The following RIF1 variants were observed in gnomAD, a reference collection of about 807,000 sequenced individuals.
RIF1 encodes the protein telomere-associated protein RIF1.
A neutral mutation model predicts 247.1 loss-of-function variants in RIF1; 45 were observed. The ratio of observed to expected loss-of-function variants is 0.18; its 90% CI spans 0.14 to 0.23. RIF1 has a LOEUF of 0.23. Among genes scored for constraint, RIF1 ranks in the 10% least tolerant of loss-of-function variants. The pLI is 1.00. For missense variants in RIF1, 2,967 were observed against 2,862.5 expected (o/e 1.04, Z -0.83); for synonymous variants, 1,087 against 978.8 (o/e 1.11, Z -2.06).
chr2:151,484,880 G>A (rs1278171179), downstream of RIF1, among the ~76,000 whole-genome samples: 1 of 152,188 alleles, frequency 6.6e-6, no homozygotes. Context: ...AGAGGTGTAC[G>A]TTGGTCATTC....
chr2:151,433,008 G>A, intron 9 of RIF1, 69 bp from the exon 10 acceptor site: 2 of 1,184,350 alleles, frequency 1.7e-6, no homozygotes, highest in Non-Finnish European at 1.2e-6. Context: ...AAAGACTGTT[G>A]CATAGCTAGT....
intron 27 of RIF1, 92 bp from the exon 28 acceptor site, chr2:151,462,150 G>A (rs2152492890): frequency 1.2e-6 from 1 of 815,670 alleles, no homozygotes; most frequent in East Asian, 2.9e-5. Flanking sequence ...TGGGATTACA[G>A]GCGTGAGCCA....
chr2:151,417,789 A>G (rs1292488151), intron 6 of RIF1, among the ~76,000 whole-genome samples: 1 of 152,142 alleles, frequency 6.6e-6, no homozygotes, highest in Non-Finnish European at 1.5e-5. Flanking sequence ...GCATCATGTA[A>G]TTTCATCATT....
chr2:151,495,618 G>A (rs893436180), intron 10 of RIF1, among the ~76,000 whole-genome samples: 2 of 152,162 alleles, frequency 1.3e-5, no homozygotes, highest in East Asian at 3.9e-4. Context: ...CAAGCTTACG[G>A]GAAATGGTTT....
chr2:151,480,256 C>G lies in RIF1; in HGVS notation c.*5185C>G, dbSNP rs1335059765. On this transcript the variant is annotated 3_prime_UTR_variant, in exon 36 of 36. Coordinates refer to ENST00000444746, the MANE Select transcript of RIF1 (RefSeq NM_018151.5). ...AGAAAAAAACTCTAACTTTTGTACT[C>G]TACTTGTAGCAGAGGGAATATTTTT... is the stretch of plus-strand genomic sequence containing the variant. 1 of 152,158 alleles carries G rather than the reference C, an allele frequency of 6.6e-6. No homozygotes were observed. The allele number at this position is 152,158 out of a possible 1,614,324, so 9.4% of individuals were successfully genotyped here.
intron 10 of RIF1, among the ~76,000 whole-genome samples, chr2:151,498,891 T>TAAA (rs66881625): frequency 0.068 from 10,207 of 150,032 alleles, 916 homozygotes; most frequent in African/African-American, 0.21. Flanking sequence ...GATAAGGTGC[T>TAAA]AAAAAAAAGA....
In RIF1 at chr2:151,464,320, G is replaced by A; in HGVS notation, c.4800G>A (p.Gln1600=). The A allele has an allele frequency of 6.2e-7, 1 of 1,611,228 alleles. No individual in the cohort carries two copies. The highest frequency in any genetic ancestry group is 1.3e-5 in the African/African-American group (1 of 74,764). The change falls in exon 30 of 36, where the codon CAG becomes CAA. Residue 1600 remains glutamine, a synonymous_variant. Coordinates refer to ENST00000444746, the MANE Select transcript of RIF1 (RefSeq NM_018151.5). ...VKQECIKAEN[Q]SHDYKATSEE... is the part of the protein sequence containing the mutation. ...AGGAATGTATAAAAGCTGAAAATCA[G>A]TCACATGATTATAAAGCAACTTCTG...
intron 8 of RIF1, among the ~76,000 whole-genome samples, chr2:151,425,327 C>A (rs1688858550): frequency 6.6e-6 from 1 of 151,984 alleles, no homozygotes; most frequent in Non-Finnish European, 1.5e-5. Context: ...ATATTTAATT[C>A]CGTTCTGTAG....
intron 24 of RIF1, 71 bp downstream of exon 24, chr2:151,458,034 AAAT>A: frequency 3.1e-6 from 3 of 975,988 alleles, no homozygotes; most frequent in Non-Finnish European, 4.4e-6. Flanking sequence ...ACTTTGATTC[AAAT>A]AATCTTTTCT....
intron 9 of RIF1, chr2:151,491,983 T>G: frequency 8.4e-7 from 1 of 1,192,912 alleles, no homozygotes; most frequent in Non-Finnish European, 1.2e-6. Context: ...TTCTTGCACC[T>G]CTAGAAAAAC....
At chr2:151,506,113 A>G (rs1575445261) in intron 12 of RIF1, 2 of 1,449,828 alleles carry the variant, frequency 1.4e-6, no homozygotes, top group East Asian at 4.5e-5. Context: ...AGGTCATTGT[A>G]AATTATCAAA....
chr2:151,465,875 A>G lies in RIF1; in HGVS notation c.6355A>G (p.Lys2119Glu), dbSNP rs1160614263. The G allele has an allele frequency of 1.9e-6, 3 of 1,613,556 alleles. No individual in the cohort carries two copies. Among genetic ancestry groups the G allele is most frequent in the South Asian group, 2.2e-5 (2 of 91,088 alleles). ...ILQEDHHTSQ[K>E]VEEPSQCLAS... is the part of the protein sequence containing the mutation. Reference sequence around the variant, plus strand: ...ACAGGAAGATCACCATACTTCACAGAAAGTGGAGGAACCATCACAGTGTCT... The same window carrying G: ...ACAGGAAGATCACCATACTTCACAGGAAGTGGAGGAACCATCACAGTGTCT... The change falls in exon 30 of 36, where the codon AAA becomes GAA. Residue 2119 changes from lysine to glutamate, a missense_variant. Physicochemically the swap from Lys to Glu is moderately conservative, Grantham distance 56. Around this residue, in one of 7 missense-constraint regions of RIF1, gnomAD observed 2,028 missense variants for 1,825.6 expected, o/e 1.11. Transcript: ENST00000444746.
At chr2:151,519,550 AGTT>A in the RIF1 span, 1 of 803,124 alleles carries the variant, frequency 1.2e-6, no homozygotes. Flanking sequence ...TAGTGACAGT[AGTT>A]GGATAATATT....
chr2:151,513,786 A>C, the RIF1 span: 3 of 850,800 alleles, frequency 3.5e-6, no homozygotes, highest in Non-Finnish European at 5.7e-6. Context: ...ATAACACGCC[A>C]CCCCAGTTGT....
rs576596415 is a variant in RIF1 at position 151,458,400 on chromosome 2, T to G, written c.2856-411T>G. Among the ~76,000 whole-genome samples the G allele has an allele frequency of 3.3e-5, 5 of 151,844 alleles. 1 individual carries two copies. Among genetic ancestry groups the G allele is most frequent in the Admixed American group, 3.3e-4 (5 of 15,262 alleles). On this transcript the variant is annotated intron_variant, in intron 24 of 35. Coordinates refer to ENST00000444746, the MANE Select transcript of RIF1 (RefSeq NM_018151.5). ...GGTGCGTGCCACCATGCCTGGCTAA[T>G]TTTTTGTATTTTTAGTAGAGACAAG...
In RIF1 at chr2:151,478,752, T is replaced by C. The variant is rs765331666; in HGVS notation, c.*3681T>C. 1 of 152,196 alleles carries C rather than the reference T, an allele frequency of 6.6e-6. No homozygotes were observed. The highest frequency in any genetic ancestry group is 2.4e-5 in the African/African-American group (1 of 41,446). 9.4% of individuals were successfully genotyped at this position (152,196 alleles called of 1,614,324 possible). ...TTAATTTTTTTCTTCCAACTTTGAC[T>C]TTAATTCAGTAAGAAAGGCCTAGGT... On this transcript the variant is annotated 3_prime_UTR_variant, in exon 36 of 36. Transcript: ENST00000444746.
chr2:151,446,714 C>A, intron 20 of RIF1, 139 bp downstream of exon 20: 1 of 856,550 alleles, frequency 1.2e-6, no homozygotes, highest in Non-Finnish European at 1.9e-6. Context: ...AACAAGTATG[C>A]TTTGTGTAAC....
chr2:151,446,553 G>T lies in RIF1; in HGVS notation c.2222G>T (p.Ser741Ile). The change falls in exon 20 of 36, where the codon AGT (serine) becomes ATT (isoleucine). Residue 741 changes from serine (S) to isoleucine (I), a missense_variant. Physicochemically the swap from Ser to Ile is moderately radical, Grantham distance 142. Transcript: ENST00000444746. ...CEELSSKIMS[S>I]LEDEGFSNLL... ...GAACTTTCTTCCAAGATAATGTCCA[G>T]TTTGGAAGATGAAGGCTTTTCTGTG... is the stretch of plus-strand genomic sequence containing the variant. The T allele has an allele frequency of 6.2e-7, 1 of 1,612,616 alleles. No homozygotes were observed. Among genetic ancestry groups the T allele is most frequent in the Non-Finnish European group, 8.5e-7 (1 of 1,179,786 alleles).
chr2:151,437,022 A>C lies in RIF1; in HGVS notation c.1372+19A>C. ...AGCTTAGGTATTTAAAGGTTTTAAG[A>C]ATAATTTTAATTACTAAAACAGTCT... On this transcript the variant is annotated intron_variant, in intron 12 of 35. Transcript: ENST00000444746. 6.3e-7 allele frequency: 1 copy of C among 1,590,330 alleles called. No homozygotes were observed. The highest frequency in any genetic ancestry group is 8.6e-7 in the Non-Finnish European group (1 of 1,166,804).
Sources: gnomAD v4.1 joint callset for allele counts (sites outside exome capture counted in the v4.1 genomes callset) on GRCh38, gnomAD v4.1.1 for gene constraint, gnomAD v4.1.1 regional missense constraint, MANE v1.5 for transcripts, NCBI Gene and HGNC (gene_info 2026-07-23, HGNC 2026-07-21) for gene names.